PHF14: variants seen among roughly 807,000 people sequenced by gnomAD.
The protein encoded by PHF14 is PHD finger protein 14.
Under a neutral mutation model 117.9 loss-of-function variants are expected in PHF14, and 55 were observed. That is an observed-to-expected ratio of 0.47 (90% confidence interval 0.38 to 0.58). The LOEUF is 0.58. Among genes scored for constraint, PHF14 ranks in the 20% least tolerant of loss-of-function variants. The pLI is 0.00. For missense variants in PHF14, 978 were observed against 1,122.2 expected, an observed-to-expected ratio of 0.87 and a Z score of 1.84; for synonymous variants, 409 against 368.6, an observed-to-expected ratio of 1.11 and a Z score of -1.26.
At chr7:11,164,436 G>C (rs1014347786) in intron 17 of PHF14, among the ~76,000 whole-genome samples, 8 of 152,118 alleles carry the variant, frequency 5.3e-5, no homozygotes, top group African/African-American at 1.9e-4. Flanking sequence ...GAATATTTTA[G>C]GTACTTAGGA....
intron 16 of PHF14, chr7:11,106,925 T>C: frequency 6.1e-6 from 6 of 983,964 alleles, no homozygotes; most frequent in Non-Finnish European, 7.2e-6. Context: ...TCCATTGGCA[T>C]AAAAGATAAT....
At chr7:11,072,413 A>G (rs1312361386) in intron 16 of PHF14, among the ~76,000 whole-genome samples, 6 of 152,142 alleles carry the variant, frequency 3.9e-5, no homozygotes, top group African/African-American at 1.4e-4. Flanking sequence ...TCAACATGAG[A>G]TTTGAGTGGG....
rs1386635023 is a variant in PHF14 at position 10,982,554 on chromosome 7, A to T, written c.295A>T (p.Met99Leu). Residue 99 changes from methionine (M) to leucine (L), a missense_variant, in exon 3 of 18, where the codon ATG becomes TTG. Met to Leu is a conservative substitution (Grantham distance 15, BLOSUM62 2). This residue lies in a region of PHF14 where 414 missense variants were observed against 376.4 expected (regional missense o/e 1.10). Transcript: ENST00000634607. ...ATCATCAGAAAAACAATTAATTAAA[A>T]TGGAAAAGAAGGAAGAAGAAGAAAA... The part of the protein sequence containing the change: ...VLSSEKQLIK[M>L]EKKEEEENGE... 1 of 1,519,036 alleles carries T rather than the reference A, an allele frequency of 6.6e-7. No individual in the cohort carries two copies. The highest frequency in any genetic ancestry group is 8.9e-7 in the Non-Finnish European group (1 of 1,118,582). The allele number at this position is 1,519,036 out of a possible 1,614,324, so 94.1% of individuals were successfully genotyped here.
In PHF14 at chr7:11,130,581, C is replaced by T. The variant is rs1359960568; in HGVS notation, c.2772+19114C>T. ...ACTACAGATTTCCCATATGCCCCCT[C>T]ATCCCTTCCTCCTTCCCCTAGTTTC... On this transcript the variant is annotated intron_variant, in intron 17 of 17. Transcript: ENST00000634607. This position sits in a 1 kb window ranked among gnomAD's most constrained non-coding sequence, Gnocchi z 4.2. Among the ~76,000 whole-genome samples the T allele has an allele frequency of 6.6e-6, 1 of 151,928 alleles. No individual in the cohort carries two copies. The highest frequency in any genetic ancestry group is 2.4e-5 in the African/African-American group (1 of 41,378).
intron 16 of PHF14, among the ~76,000 whole-genome samples, chr7:11,083,674 G>T (rs533660860): frequency 6.6e-6 from 1 of 151,988 alleles, no homozygotes; most frequent in Admixed American, 6.6e-5. Flanking sequence ...TCTTGGCCAG[G>T]CTGGTCTCAA....
chr7:11,054,359 A>G (rs1391420976), intron 14 of PHF14, among the ~76,000 whole-genome samples: 1 of 152,120 alleles, frequency 6.6e-6, no homozygotes, highest in Non-Finnish European at 1.5e-5. Context: ...AATAACTACT[A>G]ATGGTGATTA....
Position 10,978,691 on chromosome 7 carries a change from A to G in PHF14, c.113-3681A>G, listed in dbSNP as rs1781950202. Among the ~76,000 whole-genome samples the G allele has an allele frequency of 2.6e-5, 4 of 152,158 alleles. No homozygotes were observed. The South Asian group carries it at 8.3e-4, about 32-fold the overall frequency. On this transcript the variant is annotated intron_variant, in intron 2 of 17. Transcript: ENST00000634607. ...ACCCAGTAGGATGTTTAGCAACAAC[A>G]ACCTTTTCCTCTACTAGATGCCAGT...
At position 11,062,642 on chromosome 7, in the gene PHF14, G is replaced by C. The variant is rs1490306604; in HGVS notation, c.2654+557G>C. On this transcript the variant is annotated intron_variant, in intron 16 of 17. Transcript: ENST00000634607. ...TGTTTTGTCTTTGTTTCTTTGTTTCGTTTTGGTACTTTATTTTTTTTTAAT... is the reference window on the plus strand; with the variant it reads ...TGTTTTGTCTTTGTTTCTTTGTTTCCTTTTGGTACTTTATTTTTTTTTAAT... The C allele has an allele frequency of 7.3e-6, 7 of 953,816 alleles. No homozygotes were observed. In the African/African-American group the frequency reaches 1.1e-4, roughly 14 times the overall value. The allele number at this position is 953,816 out of a possible 1,614,324, so 59.1% of individuals were successfully genotyped here. A position where few individuals can be genotyped will look rare whatever the true frequency, so the allele number is the denominator to read the frequency against.
intron 3 of PHF14, among the ~76,000 whole-genome samples, chr7:10,986,393 A>G (rs1239015199): frequency 6.6e-6 from 1 of 152,210 alleles, no homozygotes; most frequent in Admixed American, 6.5e-5. Flanking sequence ...AAGTTATCAG[A>G]TCCCATTTCA....
At chr7:11,008,495 CTA>C (rs1330265873) in intron 4 of PHF14, among the ~76,000 whole-genome samples, 1 of 152,078 alleles carries the variant, frequency 6.6e-6, no homozygotes, top group African/African-American at 2.4e-5. Flanking sequence ...AGCGCGAACA[CTA>C]TTGTGAACTG....
At chr7:11,103,673 A>G (rs1583468259) in intron 16 of PHF14, 1 of 985,118 alleles carries the variant, frequency 1.0e-6, no homozygotes, top group African/African-American at 1.7e-5. Context: ...TATAGTGACA[A>G]TGGAAAATAG....
intron 14 of PHF14, 108 bp downstream of exon 14, chr7:11,051,888 C>T (rs1040010379): frequency 4.7e-6 from 4 of 852,406 alleles, no homozygotes; most frequent in Non-Finnish European, 7.2e-6. Context: ...AAGAAAAAGA[C>T]ATCTATTGGT....
intron 16 of PHF14, among the ~76,000 whole-genome samples, chr7:11,089,229 A>G (rs1308497082): frequency 1.3e-5 from 2 of 152,230 alleles, no homozygotes; most frequent in African/African-American, 4.8e-5. Context: ...CTTCCTCAAA[A>G]CAACATTAAA....
intron 16 of PHF14, chr7:11,063,853 T>C (rs1025503267): frequency 5.9e-5 from 14 of 238,074 alleles, no homozygotes; most frequent in Non-Finnish European, 9.5e-5. Context: ...TTAGTTTCTG[T>C]TATGAAATTT....
At chr7:11,122,331 T>TTATATATATATA (rs146463909) in intron 17 of PHF14, among the ~76,000 whole-genome samples, 49 of 84,034 alleles carry the variant, frequency 5.8e-4, no homozygotes, top group African/African-American at 2.1e-3. Context: ...TTTGTACTTT[T>TTATATATATATA]TATATATATA....
intron 16 of PHF14, among the ~76,000 whole-genome samples, chr7:11,073,428 T>G (rs1646113256): frequency 6.6e-6 from 1 of 152,240 alleles, no homozygotes; most frequent in African/African-American, 2.4e-5. Flanking sequence ...TGTCCTTCGA[T>G]GCCATATCCT....
chr7:11,035,111 A>G (rs549366405), intron 7 of PHF14, among the ~76,000 whole-genome samples: 49 of 146,548 alleles, frequency 3.3e-4, no homozygotes, highest in Non-Finnish European at 2.4e-4. Flanking sequence ...AAAATGTTTG[A>G]AAAAAAAAAA....
intron 2 of PHF14, among the ~76,000 whole-genome samples, chr7:10,975,944 C>T (rs192639157): frequency 1.3e-5 from 2 of 152,262 alleles, no homozygotes; most frequent in East Asian, 3.9e-4. Context: ...TTAGTAGCAT[C>T]AACAGCAGAA....
intron 17 of PHF14, among the ~76,000 whole-genome samples, chr7:11,147,463 T>A (rs1788578670): frequency 6.6e-6 from 1 of 152,156 alleles, no homozygotes; most frequent in Non-Finnish European, 1.5e-5. Flanking sequence ...TTTTGAACAG[T>A]CTTTGGTCCC....
Sources: gnomAD v4.1 joint callset for allele counts (sites outside exome capture counted in the v4.1 genomes callset) on GRCh38, gnomAD v4.1.1 for gene constraint, gnomAD v4.1.1 regional missense constraint, Gnocchi (gnomAD v3.1) non-coding constraint, MANE v1.5 for transcripts, NCBI Gene and HGNC (gene_info 2026-07-23, HGNC 2026-07-21) for gene names.